Variants in FAP observed in about 807,000 individuals in gnomAD.
FAP encodes prolyl endopeptidase FAP.
A neutral mutation model predicts 126.5 loss-of-function variants in FAP; 110 were observed. The observed-to-expected ratio is 0.87, with a 90% CI of 0.74 to 1.02. FAP has a LOEUF of 1.02. Ranked by LOEUF, FAP falls within the 50% of genes least tolerant of loss-of-function variation. The pLI is 0.00. For missense variants in FAP, 919 were observed against 909.2 expected, an observed-to-expected ratio of 1.01 and a Z score of -0.14; for synonymous variants, 334 against 297.3, an observed-to-expected ratio of 1.12 and a Z score of -1.27.
At chr2:162,189,484 TA>T (rs1408604676) in intron 18 of FAP, among the ~76,000 whole-genome samples, 171 bp downstream of exon 18, 1 of 152,102 alleles carries the variant, frequency 6.6e-6, no homozygotes, top group African/African-American at 2.4e-5. Context: ...ACAAACATAT[TA>T]AAGATATTTA....
intron 2 of FAP, among the ~76,000 whole-genome samples, chr2:162,237,388 A>G (rs1033772386): frequency 6.0e-5 from 9 of 151,178 alleles, no homozygotes; most frequent in African/African-American, 1.7e-4. Context: ...ACCCCCCAAC[A>G]GGCCCTGTGT....
chr2:162,173,223 T>C lies in FAP; in HGVS notation c.2035-2A>G, dbSNP rs566100960. 1.2e-6 allele frequency: 2 copies of C among 1,611,552 alleles called. No individual in the cohort carries two copies. The highest frequency in any genetic ancestry group is 2.2e-5 in the East Asian group (1 of 44,840). On this transcript the variant is annotated splice_acceptor_variant, in intron 23 of 25. Transcript: ENST00000188790. LOFTEE classifies it high-confidence loss of function. ...TGCTCTTGCCATCACAGTTGAATTC[T>C]GGAAAAGAGAAAAAAATTAACATTT...
chr2:162,185,592 C>T (rs908109988), intron 20 of FAP, among the ~76,000 whole-genome samples: 9 of 152,222 alleles, frequency 5.9e-5, no homozygotes, highest in East Asian at 1.9e-4. Context: ...AGTTATAAGA[C>T]GATATGACTT....
At chr2:162,221,190 C>A (rs1265465065) in intron 6 of FAP, among the ~76,000 whole-genome samples, 2 of 152,116 alleles carry the variant, frequency 1.3e-5, no homozygotes, top group Non-Finnish European at 2.9e-5. Context: ...AGTACATGAG[C>A]ACCAGGCCCC....
intron 17 of FAP, among the ~76,000 whole-genome samples, chr2:162,193,158 G>A (rs1688115178): frequency 6.6e-6 from 1 of 152,124 alleles, no homozygotes; most frequent in Non-Finnish European, 1.5e-5. Context: ...CAAATGCAAT[G>A]TAAATAAGAG....
intron 25 of FAP, chr2:162,171,645 A>G (rs1687308045): frequency 6.6e-6 from 1 of 152,390 alleles, no homozygotes; most frequent in Admixed American, 6.5e-5. Context: ...GAGAGATACC[A>G]CTAAGATTAT....
chr2:162,200,470 C>G lies in FAP; in HGVS notation c.1277+96G>C. On this transcript the variant is annotated intron_variant, in intron 15 of 25. Transcript: ENST00000188790. ...TTCATAAATGATTTTTATTATGTGC[C>G]ATACTTTAAAAATATTTTGCATCTC... 2.9e-6 allele frequency: 2 copies of G among 678,554 alleles called. 1 individual carries two copies. The highest frequency in any genetic ancestry group is 3.6e-5 in the South Asian group (2 of 56,154). 42.0% of individuals were successfully genotyped at this position (678,554 alleles called of 1,614,324 possible). A position where few individuals can be genotyped will look rare whatever the true frequency, so the allele number is the denominator to read the frequency against.
At chr2:162,241,433 A>G (rs959689239) in intron 2 of FAP, among the ~76,000 whole-genome samples, 1 of 152,226 alleles carries the variant, frequency 6.6e-6, no homozygotes, top group African/African-American at 2.4e-5. Context: ...ATATGTAAAT[A>G]TAATGCATTT....
At chr2:162,190,943 TA>T (rs1344810888) in intron 17 of FAP, among the ~76,000 whole-genome samples, 1 of 152,158 alleles carries the variant, frequency 6.6e-6, no homozygotes, top group African/African-American at 2.4e-5. Flanking sequence ...ATAAGATACA[TA>T]ATGAATTTCA....
chr2:162,216,474 T>G (rs1048452175), intron 9 of FAP, among the ~76,000 whole-genome samples: 7 of 152,184 alleles, frequency 4.6e-5, no homozygotes, highest in Admixed American at 2.0e-4. Context: ...AATCACCAAA[T>G]GCTCAGTCTC....
At chr2:162,174,798 A>T in intron 22 of FAP, 69 bp downstream of exon 22, 1 of 1,081,498 alleles carries the variant, frequency 9.2e-7, no homozygotes, top group Non-Finnish European at 1.4e-6. Flanking sequence ...CCATTTTTCT[A>T]GCAACATCAG....
chr2:162,235,531 T>C (rs929712010), intron 2 of FAP, among the ~76,000 whole-genome samples: 12 of 152,198 alleles, frequency 7.9e-5, no homozygotes, highest in Non-Finnish European at 1.5e-5. Flanking sequence ...TGACACTCTG[T>C]ATCTAGGCAA....
Position 162,219,144 on chromosome 2 carries a change from G to T in FAP, c.526C>A (p.Pro176Thr). The change falls in exon 8 of 26, where the codon CCA becomes ACA. Residue 176 changes from proline (P) to threonine (T), a missense_variant. Physicochemically the swap from Pro to Thr is conservative, Grantham distance 38. Coordinates refer to ENST00000188790, the MANE Select transcript of FAP (RefSeq NM_004460.5). The part of the protein sequence containing the change: ...YQNNIYLKQR[P>T]GDPPFQITFN... ...GTTATTTGAAAAGGTGGATCTCCTG[G>T]TCTTTGTTTCAAATAGATATTGTTT... 2.5e-6 allele frequency: 4 copies of T among 1,607,198 alleles called. No individual in the cohort carries two copies. The highest frequency in any genetic ancestry group is 3.4e-6 in the Non-Finnish European group (4 of 1,176,052).
Position 162,243,422 on chromosome 2 carries a change from G to A in FAP, c.-95C>T. The A allele has an allele frequency of 6.6e-7, 1 of 1,511,648 alleles. No homozygotes were observed. The highest frequency in any genetic ancestry group is 8.8e-7 in the Non-Finnish European group (1 of 1,131,644). 93.6% of individuals were successfully genotyped at this position (1,511,648 alleles called of 1,614,324 possible). On this transcript the variant is annotated 5_prime_UTR_variant, in exon 1 of 26. Transcript: ENST00000188790. The stretch of plus-strand genomic sequence containing the variant: ...GTTGAAAAGGACCAAGTCTGTCTTT[G>A]TAGTTGGAAGCTGAAGCCAGGACAA...
At chr2:162,195,296 T>C (rs1223730133) in intron 16 of FAP, among the ~76,000 whole-genome samples, 1 of 151,810 alleles carries the variant, frequency 6.6e-6, no homozygotes, top group African/African-American at 2.4e-5. Context: ...GGAAGGAGGT[T>C]TGTGGGGGTG....
intron 6 of FAP, among the ~76,000 whole-genome samples, chr2:162,220,513 A>G (rs1689344805): frequency 6.6e-6 from 1 of 152,240 alleles, no homozygotes; most frequent in Admixed American, 6.5e-5. Context: ...TTTTGAAAAT[A>G]AGATGCCATT....
At chr2:162,235,147 C>A (rs1407117227) in intron 2 of FAP, among the ~76,000 whole-genome samples, 2 of 151,766 alleles carry the variant, frequency 1.3e-5, no homozygotes, top group Non-Finnish European at 2.9e-5. Context: ...CCCCCAGTCC[C>A]CCGTCACCCC....
intron 25 of FAP, 121 bp from the exon 26 acceptor site, chr2:162,171,201 C>T (rs1329196853): frequency 4.6e-6 from 3 of 655,924 alleles, no homozygotes. Context: ...TACCTAAGAA[C>T]ACTCAAATAA....
chr2:162,182,516 C>G (rs759528355), intron 21 of FAP, among the ~76,000 whole-genome samples: 1 of 152,192 alleles, frequency 6.6e-6, no homozygotes, highest in Admixed American at 6.5e-5. Context: ...TTCCTAACAG[C>G]TCTTCATCTG....
Sources: gnomAD v4.1 joint callset for allele counts (sites outside exome capture counted in the v4.1 genomes callset) on GRCh38, gnomAD v4.1.1 for gene constraint, MANE v1.5 for transcripts, NCBI Gene and HGNC (gene_info 2026-07-23, HGNC 2026-07-21) for gene names.